The following KCNH7 variants were observed in gnomAD, a reference collection of about 807,000 sequenced individuals.
KCNH7 encodes potassium voltage-gated channel subfamily H member 7.
Under a neutral mutation model 120.8 loss-of-function variants are expected in KCNH7, and 49 were observed. That is an observed-to-expected ratio of 0.41 (90% CI 0.32 to 0.51). KCNH7 has a LOEUF of 0.51. Ranked by LOEUF, KCNH7 falls within the 20% of genes least tolerant of loss-of-function variation. KCNH7 has a pLI of 0.38. For synonymous variants in KCNH7, 547 were observed against 516.1 expected (o/e 1.06, Z -0.81); for missense variants, 1,097 against 1,446.6 (o/e 0.76, Z 3.92).
chr2:162,414,159 G>T (rs1419276417), intron 9 of KCNH7, among the ~76,000 whole-genome samples: 1 of 151,894 alleles, frequency 6.6e-6, no homozygotes, highest in Non-Finnish European at 1.5e-5. Context: ...TACCAACATT[G>T]TTAATAGAAA....
At chr2:162,489,490 C>A (rs1318285989) in intron 6 of KCNH7, among the ~76,000 whole-genome samples, 1 of 152,124 alleles carries the variant, frequency 6.6e-6, no homozygotes, top group Non-Finnish European at 1.5e-5. Context: ...GCTATACAAG[C>A]TTGGACTAGA....
chr2:162,805,503 C>T (rs1327180224), intron 2 of KCNH7, among the ~76,000 whole-genome samples: 1 of 152,044 alleles, frequency 6.6e-6, no homozygotes, highest in Non-Finnish European at 1.5e-5. Context: ...CACTTATCAT[C>T]AGGGAAATGC....
chr2:162,715,702 A>G (rs1443738278), intron 2 of KCNH7, among the ~76,000 whole-genome samples: 1 of 152,180 alleles, frequency 6.6e-6, no homozygotes, highest in East Asian at 1.9e-4. Flanking sequence ...ATTGTACTAC[A>G]GTTTTGCAAG....
chr2:162,778,111 T>A lies in KCNH7; in HGVS notation c.307+58426A>T, dbSNP rs577558175. 5.9e-5 allele frequency among the ~76,000 whole-genome samples: 9 copies of A among 152,234 alleles called. No homozygotes were observed. In the South Asian group the frequency reaches 1.9e-3, roughly 32 times the overall value. ...TCCTTCTTTCTAAAAAAATGAGGCT[T>A]TGTAGAAAAAATTGTCTAAAGAGCC... is the stretch of plus-strand genomic sequence containing the variant. On this transcript the variant is annotated intron_variant, in intron 2 of 15. Coordinates refer to ENST00000332142, the MANE Select transcript of KCNH7 (RefSeq NM_033272.4).
chr2:162,609,757 A>G (rs1238978948), intron 2 of KCNH7, among the ~76,000 whole-genome samples: 1 of 152,180 alleles, frequency 6.6e-6, no homozygotes, highest in Non-Finnish European at 1.5e-5. Context: ...GGCTCCCAAA[A>G]GAGACTGAGA....
chr2:162,486,783 T>C (rs1690110795), intron 6 of KCNH7, among the ~76,000 whole-genome samples: 1 of 152,224 alleles, frequency 6.6e-6, no homozygotes, highest in Admixed American at 6.5e-5. Context: ...AATGGATGTC[T>C]AGTATCAACA....
Position 162,501,149 on chromosome 2 carries a change from A to G in KCNH7, c.1128+3294T>C, listed in dbSNP as rs368163541. On this transcript the variant is annotated intron_variant, in intron 6 of 15. Transcript: ENST00000332142. ...GCTAAAAGGGGCCCCTACAAAGAAG[A>G]TAAAGCATTCCTACTGATGCCTTTT... is the stretch of plus-strand genomic sequence containing the variant. 2.6e-5 allele frequency among the ~76,000 whole-genome samples: 4 copies of G among 152,066 alleles called. No individual in the cohort carries two copies. The East Asian group carries it at 5.8e-4, about 22-fold the overall frequency.
At chr2:162,655,772 A>G (rs1261708936) in intron 2 of KCNH7, among the ~76,000 whole-genome samples, 3 of 152,170 alleles carry the variant, frequency 2.0e-5, no homozygotes, top group African/African-American at 7.2e-5. Context: ...CAGCCTGGTG[A>G]TAGAGCAAGA....
chr2:162,449,137 A>G (rs1170905699), intron 6 of KCNH7, among the ~76,000 whole-genome samples: 1 of 152,018 alleles, frequency 6.6e-6, no homozygotes, highest in Non-Finnish European at 1.5e-5. Context: ...TTACTAAAGA[A>G]TAAAATGCCA....
At chr2:162,398,696 C>A (rs1218537869) in intron 10 of KCNH7, among the ~76,000 whole-genome samples, 1 of 151,890 alleles carries the variant, frequency 6.6e-6, no homozygotes, top group Non-Finnish European at 1.5e-5. Flanking sequence ...CTTGATAAAG[C>A]AAGAAAGCTT....
At chr2:162,552,251 A>C (rs959925820) in intron 2 of KCNH7, among the ~76,000 whole-genome samples, 1 of 152,158 alleles carries the variant, frequency 6.6e-6, no homozygotes, top group Non-Finnish European at 1.5e-5. Flanking sequence ...CACTTGCCCA[A>C]ATATATCTGG....
intron 12 of KCNH7, among the ~76,000 whole-genome samples, chr2:162,390,559 T>C (rs1388829180): frequency 6.6e-6 from 1 of 151,918 alleles, no homozygotes; most frequent in East Asian, 1.9e-4. Context: ...ACTGAGCAGG[T>C]CATTGAAGCC....
intron 2 of KCNH7, among the ~76,000 whole-genome samples, chr2:162,729,161 A>G (rs998168460): frequency 7.3e-6 from 1 of 137,300 alleles, no homozygotes; most frequent in Non-Finnish European, 1.5e-5. Context: ...AATATACCCA[A>G]ATTTTTTTTT....
At chr2:162,444,183 G>T (rs1030929660) in intron 7 of KCNH7, among the ~76,000 whole-genome samples, 9 of 151,996 alleles carry the variant, frequency 5.9e-5, no homozygotes, top group Non-Finnish European at 1.3e-4. Context: ...ATGGTCTTTT[G>T]CCCTCTGCCA....
intron 2 of KCNH7, among the ~76,000 whole-genome samples, chr2:162,719,549 C>G (rs933570805): frequency 6.6e-6 from 1 of 151,878 alleles, no homozygotes; most frequent in African/African-American, 2.4e-5. Flanking sequence ...AAGTTTTTGT[C>G]ATGTTTTAGT....
chr2:162,702,221 T>C (rs1223611843), intron 2 of KCNH7, among the ~76,000 whole-genome samples: 7 of 152,142 alleles, frequency 4.6e-5, no homozygotes, highest in East Asian at 3.9e-4. Flanking sequence ...TTGTTACTGA[T>C]AGTGATAAGA....
chr2:162,518,130 A>C lies in KCNH7; in HGVS notation c.492T>G (p.Gly164=), dbSNP rs568172587. 6.2e-7 allele frequency: 1 copy of C among 1,610,220 alleles called. No individual in the cohort carries two copies. Among genetic ancestry groups the C allele is most frequent in the Non-Finnish European group, 8.5e-7 (1 of 1,177,558 alleles). Residue 164 remains glycine (G), a synonymous_variant, in exon 4 of 16, where the codon GGT becomes GGG. Coordinates refer to ENST00000332142, the MANE Select transcript of KCNH7 (RefSeq NM_033272.4). ...NRKFFGFKFP[G]LRVLTYRKQS... ...GCTTTCTGTAAGTGAGAACTCTCAG[A>C]CCAGGGAATTTGAACCCAAAAAATT...
chr2:162,459,767 C>T (rs1348539908), intron 6 of KCNH7, among the ~76,000 whole-genome samples: 1 of 152,048 alleles, frequency 6.6e-6, no homozygotes, highest in Non-Finnish European at 1.5e-5. Flanking sequence ...GGTTTGGTGG[C>T]CTTTGCAAGG....
At chr2:162,407,357 TCTC>T (rs1687259958) in intron 9 of KCNH7, among the ~76,000 whole-genome samples, 1 of 151,956 alleles carries the variant, frequency 6.6e-6, no homozygotes, top group African/African-American at 2.4e-5. Context: ...CCTTCCTACT[TCTC>T]CTGCAATTCC....
Sources: allele counts gnomAD v4.1 joint callset (sites outside exome capture counted in the v4.1 genomes callset), GRCh38; gene constraint gnomAD v4.1.1; transcripts MANE v1.5; gene names NCBI Gene and HGNC (gene_info 2026-07-23, HGNC 2026-07-21).